ADD2: variants seen among roughly 807,000 people sequenced by gnomAD.
ADD2 encodes adducin 2.
ADD2 carries 23 observed loss-of-function variants against 83.0 expected under a neutral mutation model. The ratio of observed to expected loss-of-function variants is 0.28; its 90% CI spans 0.20 to 0.39. ADD2 has a LOEUF of 0.39. Among genes scored for constraint, ADD2 ranks in the 10% least tolerant of loss-of-function variants. The pLI is 1.00. For synonymous variants in ADD2, 375 were observed against 375.4 expected, an observed-to-expected ratio of 1.00 and a Z score of 0.01; for missense variants, 758 against 944.9, an observed-to-expected ratio of 0.80 and a Z score of 2.59.
chr2:70,767,925 C>A lies in ADD2; in HGVS notation c.-193G>T, dbSNP rs1001091126. On this transcript the variant is annotated 5_prime_UTR_variant, in exon 1 of 16. Transcript: ENST00000264436. ...CTTAGCTATCTCCGGTCGGCCACTGCGGGTTGGTTTTGTTATTTTATGGGT... is the reference window on the plus strand; with the variant it reads ...CTTAGCTATCTCCGGTCGGCCACTGAGGGTTGGTTTTGTTATTTTATGGGT... 85 of 1,535,808 alleles carry A rather than the reference C, an allele frequency of 5.5e-5. No individual in the cohort carries two copies. Among genetic ancestry groups the A allele is most frequent in the Non-Finnish European group, 6.5e-5 (74 of 1,146,822 alleles).
At position 70,768,113 on chromosome 2, in the gene ADD2, T is replaced by C; in HGVS notation, c.-381A>G. On this transcript the variant is annotated 5_prime_UTR_variant, in exon 1 of 16. Transcript: ENST00000264436. ...ACTGGCCACCGACGCCGCAGTTCCT[T>C]GACAAAAGGCTCGGGTTCCCGCTAG... is the stretch of plus-strand genomic sequence containing the variant. 1.3e-6 allele frequency: 1 copy of C among 757,310 alleles called. No individual in the cohort carries two copies. The highest frequency in any genetic ancestry group is 2.1e-6 in the Non-Finnish European group (1 of 479,602). The allele number at this position is 757,310 out of a possible 1,614,324, so 46.9% of individuals were successfully genotyped here.
At chr2:70,736,107 A>G (rs1370445487) in intron 1 of ADD2, among the ~76,000 whole-genome samples, 1 of 151,984 alleles carries the variant, frequency 6.6e-6, no homozygotes, top group Non-Finnish European at 1.5e-5. Context: ...ACTCAAATCC[A>G]GAGTCTCTAA....
rs1363541485 is a variant in ADD2 at position 70,739,392 on chromosome 2, G to A, written c.-153-26208C>T. On this transcript the variant is annotated intron_variant, in intron 1 of 15. Transcript: ENST00000264436. ...AAAAAGTCAAAAATTACAGATACTG[G>A]CAAGGTTGCAGAGAAAAGAAAACAC... Among the ~76,000 whole-genome samples the A allele has an allele frequency of 3.3e-5, 5 of 152,194 alleles. No individual in the cohort carries two copies. In the East Asian group the frequency reaches 9.6e-4, roughly 29 times the overall value.
At position 70,688,079 on chromosome 2, in the gene ADD2, G is replaced by A. The variant is rs1363900898; in HGVS notation, c.893C>T (p.Thr298Met). ...GATCTTGTAAAATGCCTCCTCTACC[G>A]TGTCACCCAGAGCAACCACTCCATG... ...RNHGVVALGD[T>M]VEEAFYKIFH... Residue 298 changes from threonine (T) to methionine (M), a missense_variant, in exon 9 of 16, where the codon ACG becomes ATG. Physicochemically the swap from Thr to Met is moderately conservative, Grantham distance 81. Around this residue, in one of 5 missense-constraint regions of ADD2, gnomAD observed 394 missense variants for 509.3 expected, o/e 0.77. Transcript: ENST00000264436. 4.3e-6 allele frequency: 7 copies of A among 1,614,006 alleles called. No individual in the cohort carries two copies. Among genetic ancestry groups the A allele is most frequent in the African/African-American group, 1.3e-5 (1 of 74,924 alleles).
rs554162124 is a variant in ADD2 at position 70,684,922 on chromosome 2, C to CT, written c.949-1156dup. On this transcript the variant is annotated intron_variant, in intron 9 of 15. Coordinates refer to ENST00000264436, the MANE Select transcript of ADD2 (RefSeq NM_001617.4). ...AACACTCATTAATCTAACAAATCCC[C>CT]TTTTTTTTAAATTCTGTGCTTATCT... Among the ~76,000 whole-genome samples the CT allele has an allele frequency of 4.5e-4, 68 of 152,174 alleles. 1 individual carries two copies. The South Asian group carries it at 7.1e-3, about 16-fold the overall frequency.
In ADD2 at chr2:70,734,296, G is replaced by A. The variant is rs138639626; in HGVS notation, c.-153-21112C>T. On this transcript the variant is annotated intron_variant, in intron 1 of 15. Coordinates refer to ENST00000264436, the MANE Select transcript of ADD2 (RefSeq NM_001617.4). The stretch of plus-strand genomic sequence containing the variant: ...CTTATATGAATGGCTTAGGGAAGCA[G>A]GATTGGCCACTCAGTGCTGGCCCAG... Among the ~76,000 whole-genome samples, 223 of 152,280 alleles carry A rather than the reference G, an allele frequency of 1.5e-3. 1 individual carries two copies. Among genetic ancestry groups the A allele is most frequent in the African/African-American group, 5.2e-3 (214 of 41,546 alleles).
intron 1 of ADD2, among the ~76,000 whole-genome samples, chr2:70,764,139 C>T (rs1474379100): frequency 2.0e-5 from 3 of 151,764 alleles, no homozygotes; most frequent in Admixed American, 1.3e-4. Context: ...CCACCTGCCT[C>T]GGCCTCCCAA....
intron 1 of ADD2, among the ~76,000 whole-genome samples, chr2:70,749,615 A>G (rs1456074868): frequency 6.6e-6 from 1 of 152,216 alleles, no homozygotes; most frequent in Admixed American, 6.5e-5. Flanking sequence ...GTCTTGGTCA[A>G]TAACGTGTTA....
chr2:70,726,434 G>A (rs149824255), intron 1 of ADD2, among the ~76,000 whole-genome samples: 57 of 152,242 alleles, frequency 3.7e-4, no homozygotes, highest in African/African-American at 1.4e-3. Flanking sequence ...AGCTCACCCA[G>A]GCAGTGCTAA....
chr2:70,663,400 G>A lies in ADD2; in HGVS notation c.*25C>T. 1 of 1,594,638 alleles carries A rather than the reference G, an allele frequency of 6.3e-7. No individual in the cohort carries two copies. Among genetic ancestry groups the A allele is most frequent in the Non-Finnish European group, 8.6e-7 (1 of 1,168,668 alleles). The stretch of plus-strand genomic sequence containing the variant: ...GGAAGGGGAGGAGAGAGAGGAGGCA[G>A]GAGGGAGCCCAAGGGTGTCATGAAT... On this transcript the variant is annotated 3_prime_UTR_variant, in exon 16 of 16. Transcript: ENST00000264436.
rs76734385 is a variant in ADD2 at position 70,657,856 on chromosome 2, G to A, written c.*5569C>T. On this transcript the variant is annotated 3_prime_UTR_variant, in exon 16 of 16. Transcript: ENST00000264436. ...ACAGTGGGTGAGGAGAGGAGCCCAG[G>A]ACCTGACTCTACTAGAAAACTGCCA... 10 of 152,270 alleles carry A rather than the reference G, an allele frequency of 6.6e-5. No homozygotes were observed. The East Asian group carries it at 1.9e-3, about 30-fold the overall frequency. 9.4% of individuals were successfully genotyped at this position (152,270 alleles called of 1,614,324 possible).
chr2:70,681,445 T>C, intron 10 of ADD2, among the ~76,000 whole-genome samples: 1 of 152,298 alleles, frequency 6.6e-6, no homozygotes, highest in Admixed American at 6.5e-5. Flanking sequence ...CCCAAGTGTT[T>C]AAGACCAGGA....
intron 1 of ADD2, among the ~76,000 whole-genome samples, chr2:70,732,841 G>C (rs1317563563): frequency 6.6e-6 from 1 of 152,194 alleles, no homozygotes; most frequent in Non-Finnish European, 1.5e-5. Flanking sequence ...TGGTTATTTG[G>C]GGGAGGAGGA....
At chr2:70,757,635 G>A (rs1674866011) in intron 1 of ADD2, among the ~76,000 whole-genome samples, 1 of 152,166 alleles carries the variant, frequency 6.6e-6, no homozygotes, top group South Asian at 2.1e-4. Flanking sequence ...TAATCAGTAT[G>A]GATGCTCTGC....
chr2:70,737,877 G>C (rs1046049279), intron 1 of ADD2, among the ~76,000 whole-genome samples: 36 of 152,000 alleles, frequency 2.4e-4, no homozygotes, highest in African/African-American at 8.5e-4. Context: ...ACAAGTCATG[G>C]GTAAAACACT....
intron 10 of ADD2, among the ~76,000 whole-genome samples, chr2:70,680,844 C>G (rs1284973456): frequency 6.6e-6 from 1 of 152,164 alleles, no homozygotes; most frequent in African/African-American, 2.4e-5. Flanking sequence ...CCACCTTAAA[C>G]TGAAATCACC....
chr2:70,759,583 C>A (rs1558584964), intron 1 of ADD2, among the ~76,000 whole-genome samples: 1 of 152,040 alleles, frequency 6.6e-6, no homozygotes, highest in Non-Finnish European at 1.5e-5. Context: ...TGAGTTCTCA[C>A]TCTTTTCATT....
intron 1 of ADD2, among the ~76,000 whole-genome samples, chr2:70,747,378 GTGCTCTCCCATCATGCCACA>G (rs1419351510): frequency 2.6e-5 from 4 of 151,478 alleles, no homozygotes; most frequent in South Asian, 4.2e-4. Context: ...TGTATGGTAA[GTGCTCTCCCATCATGCCACA>G]TGCTCTCCCA....
At chr2:70,666,861 T>TG (rs1434478719) in intron 15 of ADD2, among the ~76,000 whole-genome samples, 2 of 152,184 alleles carry the variant, frequency 1.3e-5, no homozygotes, top group Non-Finnish European at 2.9e-5. Flanking sequence ...CATCATGAAT[T>TG]GTTTGAGGAG....
Sources: gnomAD v4.1 joint callset for allele counts (sites outside exome capture counted in the v4.1 genomes callset) on GRCh38, gnomAD v4.1.1 for gene constraint, gnomAD v4.1.1 regional missense constraint, MANE v1.5 for transcripts, NCBI Gene and HGNC (gene_info 2026-07-23, HGNC 2026-07-21) for gene names.